The following DAB2IP variants were observed in gnomAD, a reference collection of about 807,000 sequenced individuals.
The protein encoded by DAB2IP is disabled homolog 2-interacting protein.
In DAB2IP, 28 loss-of-function variants were observed where a neutral mutation model predicts 107.2. That is an observed-to-expected ratio of 0.26 (90% CI 0.19 to 0.36). DAB2IP has a LOEUF of 0.36. DAB2IP is among the 10% of genes least tolerant of loss of function. The pLI, the probability that DAB2IP is intolerant of heterozygous loss-of-function variation, is 1.00. For missense variants in DAB2IP, 1,400 were observed against 1,644.7 expected, an observed-to-expected ratio of 0.85 and a Z score of 2.57; for synonymous variants, 755 against 706.4, an observed-to-expected ratio of 1.07 and a Z score of -1.09.
intron 14 of DAB2IP, among the ~76,000 whole-genome samples, chr9:121,780,016 T>C (rs530132445): frequency 6.6e-6 from 1 of 152,304 alleles, no homozygotes; most frequent in South Asian, 2.1e-4. Context: ...TGTACTGCAT[T>C]GCCTGTATTG....
intron 6 of DAB2IP, among the ~76,000 whole-genome samples, chr9:121,761,987 G>A (rs867618427): frequency 3.9e-5 from 6 of 152,116 alleles, no homozygotes; most frequent in Non-Finnish European, 8.8e-5. Flanking sequence ...CCAGGTGCTC[G>A]TGGAGGGAGG....
chr9:121,585,661 C>A (rs1175153013), intron 1 of DAB2IP, among the ~76,000 whole-genome samples: 1 of 152,038 alleles, frequency 6.6e-6, no homozygotes, highest in Non-Finnish European at 1.5e-5. Context: ...AGTTCGAGAC[C>A]AGCCAGGGCA....
intron 1 of DAB2IP, among the ~76,000 whole-genome samples, chr9:121,609,044 C>T (rs889181337): frequency 5.9e-5 from 9 of 152,306 alleles, no homozygotes; most frequent in Non-Finnish European, 1.0e-4. Context: ...CAGGTTCAAG[C>T]GATTCTCCTG....
In DAB2IP at chr9:121,707,916, C is replaced by A. The variant is rs202087127; in HGVS notation, c.362+8458C>A. Among the ~76,000 whole-genome samples, 9 of 152,322 alleles carry A rather than the reference C, an allele frequency of 5.9e-5. No individual in the cohort carries two copies. The East Asian group carries it at 1.4e-3, about 23-fold the overall frequency. The stretch of plus-strand genomic sequence containing the variant: ...TGCTTTCTTTCCCTCTTTCCAACTT[C>A]ACCACATTTCGTCAGGAAACTAAGT... On this transcript the variant is annotated intron_variant, in intron 3 of 15. Transcript: ENST00000408936.
exon 16 of DAB2IP, chr9:121,783,866 C>T (rs1835830634): frequency 4.7e-6 from 2 of 426,396 alleles, no homozygotes; most frequent in South Asian, 6.2e-5. Flanking sequence ...TCTCTCTCGG[C>T]CCCTGTCTGT....
At chr9:121,626,548 C>T (rs539700250) in intron 1 of DAB2IP, among the ~76,000 whole-genome samples, 51 of 151,726 alleles carry the variant, frequency 3.4e-4, no homozygotes, top group South Asian at 1.3e-3. Context: ...CTCAGCCTCC[C>T]GAGTAGCTGG....
At chr9:121,770,787 G>A (rs1202505313) in intron 11 of DAB2IP, 63 bp downstream of exon 11, 3 of 1,576,512 alleles carry the variant, frequency 1.9e-6, no homozygotes, top group East Asian at 4.5e-5. Flanking sequence ...CAGCCCATCT[G>A]TAATCTCAGA....
intron 3 of DAB2IP, among the ~76,000 whole-genome samples, chr9:121,740,114 G>A (rs927708705): frequency 2.0e-5 from 3 of 152,190 alleles, no homozygotes; most frequent in African/African-American, 7.2e-5. Context: ...GCAAAGAAGT[G>A]CGTGAGGACC....
At chr9:121,596,855 C>T (rs755700276) in intron 1 of DAB2IP, among the ~76,000 whole-genome samples, 3 of 152,204 alleles carry the variant, frequency 2.0e-5, no homozygotes, top group Non-Finnish European at 4.4e-5. Flanking sequence ...CTCCTGCCTG[C>T]AGCACAGGAC....
chr9:121,619,763 A>G (rs1164974236), intron 1 of DAB2IP, among the ~76,000 whole-genome samples: 1 of 152,180 alleles, frequency 6.6e-6, no homozygotes, highest in Non-Finnish European at 1.5e-5. Flanking sequence ...TTCCACCATT[A>G]GTGATTCATT....
chr9:121,659,871 C>T (rs997003801), intron 1 of DAB2IP, among the ~76,000 whole-genome samples: 3 of 152,170 alleles, frequency 2.0e-5, no homozygotes, highest in Non-Finnish European at 4.4e-5. Context: ...GGTTTCTCGG[C>T]ATCCCTACCC....
At chr9:121,625,680 T>TC (rs58842613) in intron 1 of DAB2IP, among the ~76,000 whole-genome samples, 12 of 151,068 alleles carry the variant, frequency 7.9e-5, no homozygotes, top group Non-Finnish European at 1.2e-4. Flanking sequence ...TTTTTTTTTT[T>TC]CCCAATGATG....
intron 1 of DAB2IP, among the ~76,000 whole-genome samples, chr9:121,642,011 CTCTCTCTCTCTCTCTCTCTCTTTCTT>C (rs1832344435): frequency 3.9e-5 from 1 of 25,696 alleles, no homozygotes; most frequent in African/African-American, 1.6e-4. Context: ...CTCTCTCTCT[CTCTCTCTCTCTCTCTCTCTCTTTCTT>C]TCTTTCTTTC....
intron 3 of DAB2IP, among the ~76,000 whole-genome samples, chr9:121,755,193 CAGG>C (rs916820700): frequency 6.6e-5 from 10 of 152,202 alleles, no homozygotes; most frequent in Admixed American, 1.3e-4. Flanking sequence ...GAGGGATTAT[CAGG>C]AGAAGAGGCC....
chr9:121,747,006 G>T (rs1832765276), intron 3 of DAB2IP, among the ~76,000 whole-genome samples: 1 of 152,184 alleles, frequency 6.6e-6, no homozygotes, highest in Non-Finnish European at 1.5e-5. Context: ...TCTCAGGAGT[G>T]GTGCTGAGTG....
At chr9:121,740,437 TA>T (rs1176679142) in intron 3 of DAB2IP, among the ~76,000 whole-genome samples, 1 of 152,034 alleles carries the variant, frequency 6.6e-6, no homozygotes, top group East Asian at 1.9e-4. Context: ...TAAATAAGAG[TA>T]TCCTGGAGCC....
At chr9:121,609,470 A>G (rs1831011262) in intron 1 of DAB2IP, among the ~76,000 whole-genome samples, 2 of 151,588 alleles carry the variant, frequency 1.3e-5, no homozygotes, top group African/African-American at 4.9e-5. Context: ...CCGCTTTGGG[A>G]CCCCCATTCG....
At chr9:121,724,321 A>G (rs57011833) in intron 3 of DAB2IP, among the ~76,000 whole-genome samples, 2 of 150,350 alleles carry the variant, frequency 1.3e-5, no homozygotes, top group African/African-American at 4.9e-5. Flanking sequence ...GTGCTCCAGC[A>G]TACATCTTTG....
chr9:121,597,554 C>A (rs1472552111), intron 1 of DAB2IP, among the ~76,000 whole-genome samples: 2 of 152,190 alleles, frequency 1.3e-5, no homozygotes, highest in African/African-American at 4.8e-5. Flanking sequence ...TAGAGGAGTG[C>A]TAGTGACTTC....
Sources: gnomAD v4.1 joint callset for allele counts (sites outside exome capture counted in the v4.1 genomes callset) on GRCh38, gnomAD v4.1.1 for gene constraint, MANE v1.5 for transcripts, NCBI Gene and HGNC (gene_info 2026-07-23, HGNC 2026-07-21) for gene names.